The following FARS2 variants were observed in gnomAD, a reference collection of about 807,000 sequenced individuals.
FARS2 encodes phenylalanine--tRNA ligase, mitochondrial.
In FARS2, 40 loss-of-function variants were observed where a neutral mutation model predicts 46.4. The ratio of observed to expected loss-of-function variants is 0.86; its 90% CI spans 0.67 to 1.12. FARS2 has a LOEUF of 1.12. FARS2 is among the 50% of genes most tolerant of loss of function. The pLI is 0.00. For missense variants in FARS2, 513 were observed against 567.9 expected (o/e 0.90, Z 0.98); for synonymous variants, 234 against 214.9 (o/e 1.09, Z -0.78).
intron 1 of FARS2, among the ~76,000 whole-genome samples, chr6:5,303,086 G>T (rs1006426298): frequency 6.6e-6 from 1 of 152,190 alleles, no homozygotes; most frequent in Non-Finnish European, 1.5e-5. Flanking sequence ...AAGTTCAAGA[G>T]AGTAATTCTC....
intron 6 of FARS2, among the ~76,000 whole-genome samples, chr6:5,659,780 CAT>C (rs542263385): frequency 2.6e-5 from 4 of 152,202 alleles, no homozygotes; most frequent in East Asian, 1.9e-4. Flanking sequence ...AAGGTACAAA[CAT>C]GTGTTAAAGG....
At chr6:5,594,921 A>C (rs1774114579) in intron 5 of FARS2, among the ~76,000 whole-genome samples, 1 of 152,216 alleles carries the variant, frequency 6.6e-6, no homozygotes, top group Non-Finnish European at 1.5e-5. Flanking sequence ...AGGAATAGAA[A>C]GCTGGCAGAA....
chr6:5,723,882 G>A lies in FARS2; in HGVS notation c.1218-47409G>A, dbSNP rs1051097057. ...GTGCCTTGAAATGAATTTTAGAAGC[G>A]GCCACAGCAGGCGGTCTCTGTTGTG... is the stretch of plus-strand genomic sequence containing the variant. On this transcript the variant is annotated intron_variant, in intron 6 of 6. Coordinates refer to ENST00000274680, the MANE Select transcript of FARS2 (RefSeq NM_006567.5). Among the ~76,000 whole-genome samples the A allele has an allele frequency of 1.4e-4, 21 of 152,180 alleles. 1 individual carries two copies. Among genetic ancestry groups the A allele is most frequent in the Admixed American group, 1.1e-3 (17 of 15,280 alleles).
chr6:5,463,266 A>G (rs1012984678), intron 4 of FARS2, among the ~76,000 whole-genome samples: 26 of 152,164 alleles, frequency 1.7e-4, no homozygotes, highest in Non-Finnish European at 2.9e-4. Flanking sequence ...CAGATTGTTT[A>G]TTCCTAGTAC....
chr6:5,484,935 C>T (rs1392371290), intron 4 of FARS2, among the ~76,000 whole-genome samples: 1 of 152,170 alleles, frequency 6.6e-6, no homozygotes, highest in Non-Finnish European at 1.5e-5. Flanking sequence ...TTCAGGAACC[C>T]CTGTGAAAAA....
chr6:5,338,471 C>T (rs1771316871), intron 1 of FARS2, among the ~76,000 whole-genome samples: 1 of 152,188 alleles, frequency 6.6e-6, no homozygotes, highest in Non-Finnish European at 1.5e-5. Context: ...GCCCCACAGT[C>T]CTGAGCAGAG....
At chr6:5,731,730 A>G (rs763679209) in intron 6 of FARS2, among the ~76,000 whole-genome samples, 2 of 152,032 alleles carry the variant, frequency 1.3e-5, no homozygotes, top group Non-Finnish European at 2.9e-5. Flanking sequence ...ACGCTGTTTG[A>G]TCTCTGTCTG....
intron 3 of FARS2, among the ~76,000 whole-genome samples, chr6:5,406,250 C>T (rs546532323): frequency 2.0e-4 from 30 of 152,174 alleles, no homozygotes; most frequent in Non-Finnish European, 3.8e-4. Context: ...AAGTAAGCTA[C>T]ACATATCTAA....
intron 5 of FARS2, among the ~76,000 whole-genome samples, chr6:5,549,580 A>G (rs1771249663): frequency 6.6e-6 from 1 of 152,002 alleles, no homozygotes; most frequent in Non-Finnish European, 1.5e-5. Context: ...CTTCTTTCTT[A>G]TAAGGATCCT....
chr6:5,442,683 T>C (rs986765213), intron 4 of FARS2, among the ~76,000 whole-genome samples: 14 of 152,164 alleles, frequency 9.2e-5, no homozygotes, highest in African/African-American at 2.9e-4. Flanking sequence ...TCAGATTTAG[T>C]CCCACCCTCG....
intron 4 of FARS2, among the ~76,000 whole-genome samples, chr6:5,500,982 G>T (rs933971875): frequency 9.3e-5 from 14 of 150,574 alleles, no homozygotes; most frequent in African/African-American, 3.2e-4. Flanking sequence ...TGCCAGGTCT[G>T]GTCTTGTTCT....
At chr6:5,629,542 C>T (rs983358833) in intron 6 of FARS2, among the ~76,000 whole-genome samples, 4 of 152,002 alleles carry the variant, frequency 2.6e-5, no homozygotes, top group African/African-American at 4.8e-5. Context: ...GTTGGGAAAA[C>T]GAGGCTGAGG....
At chr6:5,334,910 G>A (rs1252999736) in intron 1 of FARS2, among the ~76,000 whole-genome samples, 1 of 152,144 alleles carries the variant, frequency 6.6e-6, no homozygotes, top group African/African-American at 2.4e-5. Flanking sequence ...TTATCTTGGG[G>A]CAGTGTAGAA....
chr6:5,660,621 C>T (rs1777805459), intron 6 of FARS2, among the ~76,000 whole-genome samples: 1 of 149,762 alleles, frequency 6.7e-6, no homozygotes, highest in African/African-American at 2.5e-5. Flanking sequence ...TGCACTCTGG[C>T]CCAGACAATA....
chr6:5,297,357 A>G (rs1767962127), intron 1 of FARS2, among the ~76,000 whole-genome samples: 1 of 152,184 alleles, frequency 6.6e-6, no homozygotes, highest in African/African-American at 2.4e-5. Context: ...CTTTAAAAAA[A>G]CTAATTTTGG....
intron 6 of FARS2, among the ~76,000 whole-genome samples, chr6:5,633,726 C>A (rs1454397953): frequency 6.6e-6 from 1 of 152,092 alleles, no homozygotes; most frequent in Non-Finnish European, 1.5e-5. Flanking sequence ...TAGCTATTTG[C>A]ATCTATTTAT....
At chr6:5,274,110 C>G (rs1270697140) in intron 1 of FARS2, among the ~76,000 whole-genome samples, 1 of 152,202 alleles carries the variant, frequency 6.6e-6, no homozygotes, top group African/African-American at 2.4e-5. Flanking sequence ...TTTCAGGCAT[C>G]AACTGCAGGT....
At chr6:5,286,169 G>A (rs1767099140) in intron 1 of FARS2, among the ~76,000 whole-genome samples, 1 of 152,024 alleles carries the variant, frequency 6.6e-6, no homozygotes, top group Non-Finnish European at 1.5e-5. Context: ...GTTGTCAGTG[G>A]GGTCAACACT....
chr6:5,485,569 C>T (rs1365254250), intron 4 of FARS2, among the ~76,000 whole-genome samples: 3 of 152,068 alleles, frequency 2.0e-5, no homozygotes, highest in East Asian at 1.9e-4. Flanking sequence ...GGCCGGGGGC[C>T]GCAGACTTTC....
Sources: allele counts gnomAD v4.1 joint callset (sites outside exome capture counted in the v4.1 genomes callset), GRCh38; gene constraint gnomAD v4.1.1; transcripts MANE v1.5; gene names NCBI Gene and HGNC (gene_info 2026-07-23, HGNC 2026-07-21).